ZNF678: variants seen among roughly 807,000 people sequenced by gnomAD.
ZNF678 encodes the protein hypothetical protein MGC42493.
In ZNF678, 5 loss-of-function variants were observed where a neutral mutation model predicts 3.0. The observed-to-expected ratio is 1.69, with a 90% CI of 0.88 to 3.56. ZNF678 has a LOEUF of 3.56. Ranked by LOEUF, ZNF678 falls within the 30% of genes most tolerant of loss-of-function variation. ZNF678 has a pLI of 0.00. For synonymous variants in ZNF678, 218 were observed against 199.6 expected (o/e 1.09, Z -0.78); for missense variants, 593 against 605.0 (o/e 0.98, Z 0.21).
intron 1 of ZNF678, among the ~76,000 whole-genome samples, chr1:227,601,444 T>C (rs1363181517): frequency 6.6e-6 from 1 of 152,084 alleles, no homozygotes; most frequent in Non-Finnish European, 1.5e-5. Flanking sequence ...GTAGAGCTCT[T>C]TGACCTTCTT....
intron 2 of ZNF678, among the ~76,000 whole-genome samples, chr1:227,650,671 TC>T (rs1659068015): frequency 6.6e-6 from 1 of 152,184 alleles, no homozygotes; most frequent in Non-Finnish European, 1.5e-5. Context: ...ATATTTTATT[TC>T]CCAATGTAAA....
chr1:227,564,418 C>T (rs1446397860), intron 1 of ZNF678, among the ~76,000 whole-genome samples: 13 of 152,236 alleles, frequency 8.5e-5, no homozygotes, highest in Non-Finnish European at 1.9e-4. Flanking sequence ...GACACTAGAG[C>T]CACCTCAGTC....
chr1:227,655,134 G>A lies in ZNF678; in HGVS notation c.884G>A (p.Cys295Tyr), dbSNP rs1335307486. 2 of 1,612,934 alleles carry A rather than the reference G, an allele frequency of 1.2e-6. No homozygotes were observed. The highest frequency in any genetic ancestry group is 1.7e-5 in the Admixed American group (1 of 59,728). Reference protein sequence around the residue: ...RIHTGEKPYKCEECGKAFTQF... With the variant: ...RIHTGEKPYKYEECGKAFTQF... ...CATACTGGAGAGAAACCCTACAAAT[G>A]TGAAGAATGTGGCAAAGCCTTTACA... The change falls in exon 4 of 4, where the codon TGT becomes TAT. Residue 295 changes from cysteine (C) to tyrosine (Y), a missense_variant. Cys to Tyr is a radical substitution (Grantham distance 194, BLOSUM62 -2). Transcript: ENST00000343776.
At chr1:227,639,052 T>G (rs1658750907) in intron 1 of ZNF678, among the ~76,000 whole-genome samples, 1 of 152,098 alleles carries the variant, frequency 6.6e-6, no homozygotes, top group East Asian at 1.9e-4. Flanking sequence ...GAGATCCAAG[T>G]ATGAGGTTTT....
intron 1 of ZNF678, among the ~76,000 whole-genome samples, chr1:227,636,623 G>A (rs1463471556): frequency 6.6e-6 from 1 of 152,154 alleles, no homozygotes; most frequent in East Asian, 1.9e-4. Context: ...GCCATCTTTT[G>A]GCTTCCTCCT....
At chr1:227,604,237 A>G (rs1657808671) in intron 1 of ZNF678, among the ~76,000 whole-genome samples, 1 of 152,180 alleles carries the variant, frequency 6.6e-6, no homozygotes, top group South Asian at 2.1e-4. Flanking sequence ...CATGTTAAAC[A>G]TTTCGAGAAA....
intron 1 of ZNF678, among the ~76,000 whole-genome samples, chr1:227,586,630 T>C (rs1657269998): frequency 6.6e-6 from 1 of 152,228 alleles, no homozygotes; most frequent in South Asian, 2.1e-4. Flanking sequence ...GGCAGAAGTT[T>C]AGAAACAAAA....
intron 1 of ZNF678, among the ~76,000 whole-genome samples, chr1:227,595,445 C>T (rs1657556781): frequency 6.6e-6 from 1 of 152,194 alleles, no homozygotes; most frequent in Admixed American, 6.5e-5. Context: ...AGGCTTCTTT[C>T]TGATGGCCAA....
At position 227,659,487 on chromosome 1, in the gene ZNF678, C is replaced by T. The variant is rs916289205; in HGVS notation, c.*3659C>T. 6.6e-6 allele frequency: 1 copy of T among 152,146 alleles called. No individual in the cohort carries two copies. Among genetic ancestry groups the T allele is most frequent in the Non-Finnish European group, 1.5e-5 (1 of 68,034 alleles). 9.4% of individuals were successfully genotyped at this position (152,146 alleles called of 1,614,324 possible). A position where few individuals can be genotyped will look rare whatever the true frequency, so the allele number is the denominator to read the frequency against. On this transcript the variant is annotated 3_prime_UTR_variant, in exon 4 of 4. Coordinates refer to ENST00000343776, the MANE Select transcript of ZNF678 (RefSeq NM_001367909.1). ...TTAATGTCGTCCATATGATCAGCATCAGCACCAGAAACTCCAGGTGTCCCA... is the reference window on the plus strand; with the variant it reads ...TTAATGTCGTCCATATGATCAGCATTAGCACCAGAAACTCCAGGTGTCCCA...
chr1:227,599,404 T>C (rs1173980121), intron 1 of ZNF678, among the ~76,000 whole-genome samples: 1 of 152,206 alleles, frequency 6.6e-6, no homozygotes, highest in Non-Finnish European at 1.5e-5. Flanking sequence ...GCCTCCCCTA[T>C]AATTTTCTTT....
At chr1:227,651,147 T>C in intron 3 of ZNF678, 71 bp downstream of exon 3, 7 of 1,552,510 alleles carry the variant, frequency 4.5e-6, no homozygotes, top group Non-Finnish European at 6.1e-6. Context: ...AGAGGGGATA[T>C]ACCTGAGTCC....
intron 1 of ZNF678, among the ~76,000 whole-genome samples, chr1:227,570,419 A>G (rs1394010649): frequency 6.6e-6 from 1 of 152,230 alleles, no homozygotes; most frequent in African/African-American, 2.4e-5. Flanking sequence ...TAACTTACAG[A>G]TTGCTTTGGA....
In ZNF678 at chr1:227,655,848, G is replaced by C. The variant is rs1009152049; in HGVS notation, c.*20G>C. On this transcript the variant is annotated 3_prime_UTR_variant, in exon 4 of 4. Coordinates refer to ENST00000343776, the MANE Select transcript of ZNF678 (RefSeq NM_001367909.1). Reference sequence around the variant, plus strand: ...CTTTAAAAACTGCTTCATTATACATGGCTTCACTAATTTCATACTGAATAA... The same window carrying C: ...CTTTAAAAACTGCTTCATTATACATCGCTTCACTAATTTCATACTGAATAA... 25 of 1,538,104 alleles carry C rather than the reference G, an allele frequency of 1.6e-5. No homozygotes were observed. Among genetic ancestry groups the C allele is most frequent in the Non-Finnish European group, 2.2e-5 (25 of 1,148,466 alleles).
chr1:227,670,346 TAATA>T (rs1659578788), intron 5 of ZNF678, among the ~76,000 whole-genome samples: 1 of 152,242 alleles, frequency 6.6e-6, no homozygotes. Flanking sequence ...AATTATACCT[TAATA>T]AATCTGAATA....
chr1:227,605,406 A>G (rs1047390170), intron 1 of ZNF678, among the ~76,000 whole-genome samples: 2 of 152,208 alleles, frequency 1.3e-5, no homozygotes, highest in South Asian at 2.1e-4. Flanking sequence ...TACTCAGACA[A>G]TGTAGAGTCA....
intron 1 of ZNF678, among the ~76,000 whole-genome samples, chr1:227,591,551 G>T (rs1340004048): frequency 6.6e-6 from 1 of 152,224 alleles, no homozygotes; most frequent in South Asian, 2.1e-4. Flanking sequence ...AAGGTGACTT[G>T]TTTGGGCACC....
chr1:227,617,389 G>A (rs1055506588), intron 1 of ZNF678, among the ~76,000 whole-genome samples: 1 of 152,198 alleles, frequency 6.6e-6, no homozygotes, highest in African/African-American at 2.4e-5. Context: ...CTAAACCACT[G>A]TCTCTCTCCA....
intron 1 of ZNF678, among the ~76,000 whole-genome samples, chr1:227,625,355 GGGGCCT>G (rs535613684): frequency 2.1e-4 from 32 of 152,238 alleles, no homozygotes; most frequent in African/African-American, 7.5e-4. Flanking sequence ...CTGCTGAATT[GGGGCCT>G]GGTAGGGGTT....
At chr1:227,580,446 A>G (rs916962340) in intron 1 of ZNF678, among the ~76,000 whole-genome samples, 3 of 152,230 alleles carry the variant, frequency 2.0e-5, no homozygotes, top group East Asian at 1.9e-4. Context: ...AATTATATCC[A>G]TATTTCTGGA....
Sources: gnomAD v4.1 joint callset for allele counts (sites outside exome capture counted in the v4.1 genomes callset) on GRCh38, gnomAD v4.1.1 for gene constraint, MANE v1.5 for transcripts, NCBI Gene and HGNC (gene_info 2026-07-23, HGNC 2026-07-21) for gene names.